Variants in ANGPTL6 observed in about 807,000 individuals in gnomAD.
ANGPTL6 encodes the protein angiopoietin-related protein 6.
ANGPTL6 carries 45 observed loss-of-function variants against 47.4 expected under a neutral mutation model. That is an observed-to-expected ratio of 0.95 (90% CI 0.75 to 1.22). The LOEUF is 1.22. ANGPTL6 is among the 50% of genes most tolerant of loss of function. The probability of loss-of-function intolerance (pLI) is 0.00; values close to 1 mark genes in which losing one functional copy is unlikely to be tolerated. For synonymous variants in ANGPTL6, 290 were observed against 295.9 expected, an observed-to-expected ratio of 0.98 and a Z score of 0.20; for missense variants, 698 against 669.4, an observed-to-expected ratio of 1.04 and a Z score of -0.47.
At chr19:10,098,528 G>A (rs934101625) in intron 1 of ANGPTL6, among the ~76,000 whole-genome samples, 4 of 152,122 alleles carry the variant, frequency 2.6e-5, no homozygotes, top group Admixed American at 2.0e-4. Flanking sequence ...AGAGGTTAAA[G>A]CAAAAGCGAA....
At chr19:10,100,206 C>T (rs1488298251) in intron 1 of ANGPTL6, among the ~76,000 whole-genome samples, 2 of 151,820 alleles carry the variant, frequency 1.3e-5, no homozygotes, top group African/African-American at 4.8e-5. Flanking sequence ...GACCGCACCA[C>T]TGCCTTCTAG....
intron 1 of ANGPTL6, among the ~76,000 whole-genome samples, chr19:10,101,650 A>C (rs749836994): frequency 6.6e-6 from 1 of 151,776 alleles, no homozygotes; most frequent in Non-Finnish European, 1.5e-5. Context: ...TCTACTAAAA[A>C]TACAAAAATT....
At chr19:10,103,788 T>G (rs1304720090), upstream of ANGPTL6, among the ~76,000 whole-genome samples, 1 of 151,204 alleles carries the variant, frequency 6.6e-6, no homozygotes, top group Non-Finnish European at 1.5e-5. Flanking sequence ...TAATCTGGAT[T>G]TTATAATTAG....
Position 10,096,438 on chromosome 19 carries a change from C to A in ANGPTL6, c.126G>T (p.Val42=). The change falls in exon 2 of 6, where the codon GTG becomes GTT. Residue 42 remains valine, a synonymous_variant. Transcript: ENST00000253109. ...VLPPQKFTGA[V]CWSGPASTRA... ...GCGTGGATGCGGGGCCGCTCCAGCA[C>A]ACAGCGCCCGTGAACTTCTGCGGGG... 6.9e-7 allele frequency: 1 copy of A among 1,442,842 alleles called. No individual in the cohort carries two copies. Among genetic ancestry groups the A allele is most frequent in the South Asian group, 1.4e-5 (1 of 73,022 alleles). 89.4% of individuals were successfully genotyped at this position (1,442,842 alleles called of 1,614,324 possible). A position where few individuals can be genotyped will look rare whatever the true frequency, so the allele number is the denominator to read the frequency against.
chr19:10,099,853 T>TTCTCTC (rs140980342), intron 1 of ANGPTL6, among the ~76,000 whole-genome samples: 3 of 100,816 alleles, frequency 3.0e-5, no homozygotes, highest in South Asian at 3.1e-4. Flanking sequence ...CTTTCTCTCT[T>TTCTCTC]TCTCTCTCTC....
chr19:10,092,781 T>C lies in ANGPTL6; in HGVS notation c.1223-2A>G, dbSNP rs1168160825. Reference sequence around the variant, plus strand: ...CCCGCTGGTACAGGGCACAGTTACCTGAGGGGAGAGAGAGAGTCCATGTCC... The same window carrying C: ...CCCGCTGGTACAGGGCACAGTTACCCGAGGGGAGAGAGAGAGTCCATGTCC... On this transcript the variant is annotated splice_acceptor_variant, in intron 5 of 5. Transcript: ENST00000253109. LOFTEE classifies it high-confidence loss of function. 1 of 1,592,112 alleles carries C rather than the reference T, an allele frequency of 6.3e-7. No individual in the cohort carries two copies.
rs1489224882 is a variant in ANGPTL6, at chr19:10,093,628, G to A, written c.952-9C>T. 6.2e-7 allele frequency: 1 copy of A among 1,613,130 alleles called. No homozygotes were observed. Among genetic ancestry groups the A allele is most frequent in the Non-Finnish European group, 8.5e-7 (1 of 1,179,384 alleles). On this transcript the variant is annotated splice_polypyrimidine_tract_variant and intron_variant, in intron 4 of 5. Coordinates refer to ENST00000253109, the MANE Select transcript of ANGPTL6 (RefSeq NM_031917.3). ...GGCCGCCCAAAGCCCGCCTGGCAGG[G>A]CAGGAAAGTCAGGAAGCCAGAACAG...
chr19:10,100,272 C>G (rs954617529), intron 1 of ANGPTL6, among the ~76,000 whole-genome samples: 1 of 151,966 alleles, frequency 6.6e-6, no homozygotes. Context: ...AAGAGAGAGT[C>G]GTGCTCTGTT....
rs191606497 is a variant in ANGPTL6 at position 10,093,741 on chromosome 19, C to T, written c.903G>A (p.Arg301=). 1 of 1,614,244 alleles carries T rather than the reference C, an allele frequency of 6.2e-7. No individual in the cohort carries two copies. Among genetic ancestry groups the T allele is most frequent in the Admixed American group, 1.7e-5 (1 of 60,026 alleles). The change falls in exon 4 of 6, where the codon CGG becomes CGA. Residue 301 remains arginine (R), a synonymous_variant. Transcript: ENST00000253109. ...AGAAGTTGACTGAACCATCTTGCCTCCGCTGGATCACAGTCCAGCCTCCAC... is the reference window on the plus strand; with the variant it reads ...AGAAGTTGACTGAACCATCTTGCCTTCGCTGGATCACAGTCCAGCCTCCAC... ...LEGGGWTVIQ[R]RQDGSVNFFT...
Position 10,093,518 on chromosome 19 carries a change from G to A in ANGPTL6, c.1053C>T (p.Asp351=), listed in dbSNP as rs1490297437. The change falls in exon 5 of 6, where the codon GAC becomes GAT. Residue 351 remains aspartate (D), a synonymous_variant. Transcript: ENST00000253109. ...GGGCACGTGCTCCACGGCCCCCCCA[G>A]TCCTCCAGGAGAACCAGCAGCTCAT... The part of the protein sequence containing the change: ...GDHELLVLLE[D]WGGRGARAHY... The A allele has an allele frequency of 1.2e-6, 2 of 1,614,152 alleles. No homozygotes were observed. Among genetic ancestry groups the A allele is most frequent in the Non-Finnish European group, 1.7e-6 (2 of 1,180,036 alleles).
intron 1 of ANGPTL6, among the ~76,000 whole-genome samples, chr19:10,101,836 G>A (rs1466361236): frequency 2.7e-5 from 4 of 146,970 alleles, no homozygotes; most frequent in African/African-American, 5.0e-5. Flanking sequence ...GCCAGGTGCG[G>A]TGGCTCACGC....
At chr19:10,093,916 G>C in intron 3 of ANGPTL6, 36 bp from the exon 4 acceptor site, 2 of 1,596,290 alleles carry the variant, frequency 1.3e-6, no homozygotes, top group Non-Finnish European at 1.7e-6. Flanking sequence ...GCACAGCCTG[G>C]GCTGACCAAT....
In ANGPTL6 at chr19:10,096,165, G is replaced by C. The variant is rs1056566248; in HGVS notation, c.399C>G (p.Ala133=). 2 of 1,309,520 alleles carry C rather than the reference G, an allele frequency of 1.5e-6. No homozygotes were observed. The highest frequency in any genetic ancestry group is 1.9e-6 in the Non-Finnish European group (2 of 1,028,986). 81.1% of individuals were successfully genotyped at this position (1,309,520 alleles called of 1,614,324 possible). A position where few individuals can be genotyped will look rare whatever the true frequency, so the allele number is the denominator to read the frequency against. ...GCTCCCCGAGCAGCGCCAGCGCCGC[G>C]GCAGGCTCCGCCCCCAGATCCGCCC... ...GPGADLGAEP[A]AALALLGERV... The change falls in exon 2 of 6, where the codon GCC becomes GCG. Residue 133 remains alanine, a synonymous_variant. Coordinates refer to ENST00000253109, the MANE Select transcript of ANGPTL6 (RefSeq NM_031917.3).
chr19:10,103,334 A>G (rs2088727643), upstream of ANGPTL6, among the ~76,000 whole-genome samples: 1 of 151,790 alleles, frequency 6.6e-6, no homozygotes, highest in African/African-American at 2.4e-5. Context: ...CTCATGCCTG[A>G]AAGCCAGCAC....
intron 1 of ANGPTL6, among the ~76,000 whole-genome samples, chr19:10,097,147 G>A (rs932385704): frequency 6.7e-6 from 1 of 149,820 alleles, no homozygotes; most frequent in Non-Finnish European, 1.5e-5. Context: ...CGTTCAGGCC[G>A]GTAATTCCAG....
intron 1 of ANGPTL6, among the ~76,000 whole-genome samples, chr19:10,097,956 T>C (rs762656732): frequency 1.4e-5 from 2 of 147,718 alleles, no homozygotes; most frequent in Non-Finnish European, 3.0e-5. Context: ...AGGCCAGGAA[T>C]TCAAGACCAG....
chr19:10,100,035 T>C (rs1420710966), intron 1 of ANGPTL6, among the ~76,000 whole-genome samples: 1 of 150,730 alleles, frequency 6.6e-6, no homozygotes, highest in Non-Finnish European at 1.5e-5. Context: ...AATTTTTGTA[T>C]TTTTAGTAGA....
chr19:10,095,120 C>G (rs1354498676), intron 2 of ANGPTL6, among the ~76,000 whole-genome samples, 182 bp from the exon 3 acceptor site: 7 of 152,138 alleles, frequency 4.6e-5, no homozygotes, highest in Middle Eastern at 3.2e-3. Flanking sequence ...CTTTAAAGTG[C>G]AGACAGGCTG....
In ANGPTL6 at chr19:10,093,721, T is replaced by C. The variant is rs200338790; in HGVS notation, c.923A>G (p.Asn308Ser). ...VIQRRQDGSV[N>S]FFTTWQHYKA... ...ATAGTGCTGCCAGGTAGTGAAGAAG[T>C]TGACTGAACCATCTTGCCTCCGCTG... The change falls in exon 4 of 6, where the codon AAC (asparagine) becomes AGC (serine). Residue 308 changes from asparagine (N) to serine (S), a missense_variant. Transcript: ENST00000253109. 5.0e-6 allele frequency: 8 copies of C among 1,614,144 alleles called. No individual in the cohort carries two copies. Among genetic ancestry groups the C allele is most frequent in the Middle Eastern group, 1.6e-4 (1 of 6,084 alleles).
Sources: gnomAD v4.1 joint callset for allele counts (sites outside exome capture counted in the v4.1 genomes callset) on GRCh38, gnomAD v4.1.1 for gene constraint, MANE v1.5 for transcripts, NCBI Gene and HGNC (gene_info 2026-07-23, HGNC 2026-07-21) for gene names.